The following ELL variants were observed in gnomAD, a reference collection of about 807,000 sequenced individuals.
ELL encodes RNA polymerase II elongation factor ELL.
In ELL, 18 loss-of-function variants were observed where a neutral mutation model predicts 64.0. That is an observed-to-expected ratio of 0.28 (90% CI 0.19 to 0.42). ELL has a LOEUF of 0.42. Ranked by LOEUF, ELL falls within the 10% of genes least tolerant of loss-of-function variation. The probability of loss-of-function intolerance (pLI) is 1.00; values close to 1 mark genes in which losing one functional copy is unlikely to be tolerated. For synonymous variants in ELL, 399 were observed against 376.2 expected (o/e 1.06, Z -0.70); for missense variants, 797 against 870.4 (o/e 0.92, Z 1.06).
intron 2 of ELL, chr19:18,472,487 AC>A: frequency 3.3e-6 from 1 of 301,012 alleles, no homozygotes; most frequent in Non-Finnish European, 6.1e-6. Flanking sequence ...GTGCTCACTC[AC>A]CCACAGCTCA....
intron 1 of ELL, among the ~76,000 whole-genome samples, chr19:18,500,354 G>T (rs559866500): frequency 7.2e-5 from 11 of 152,096 alleles, no homozygotes; most frequent in Non-Finnish European, 1.5e-4. Context: ...GGCTTCCTGT[G>T]CATATCGTGG....
At chr19:18,503,127 G>T (rs112367761) in intron 1 of ELL, among the ~76,000 whole-genome samples, 10 of 152,338 alleles carry the variant, frequency 6.6e-5, no homozygotes, top group African/African-American at 1.9e-4. Flanking sequence ...AAAGAAAAGG[G>T]AACTCGCACT....
chr19:18,448,335 G>A (rs2144889053), intron 8 of ELL: 1 of 152,210 alleles, frequency 6.6e-6, no homozygotes, highest in East Asian at 1.9e-4. Context: ...AACACACCTG[G>A]GCTGACCACA....
rs145475504 is a variant in ELL at position 18,461,626 on chromosome 19, G to T, written c.696C>A (p.Asp232Glu). The T allele has an allele frequency of 6.2e-7, 1 of 1,610,202 alleles. No homozygotes were observed. ...KAELLLRLQK[D>E]GLTQADKDAL... is the part of the protein sequence containing the mutation. Reference sequence around the variant, plus strand: ...CGTCCTTGTCCGCCTGCGTCAGGCCGTCCTTCTGCAGTCGCAGCAGCAGCT... The same window carrying T: ...CGTCCTTGTCCGCCTGCGTCAGGCCTTCCTTCTGCAGTCGCAGCAGCAGCT... Residue 232 changes from aspartate to glutamate, a missense_variant, in exon 5 of 12, where the codon GAC becomes GAA. Transcript: ENST00000262809.
At chr19:18,492,077 T>C (rs548052175) in intron 1 of ELL, among the ~76,000 whole-genome samples, 2 of 152,218 alleles carry the variant, frequency 1.3e-5, no homozygotes, top group South Asian at 4.2e-4. Flanking sequence ...GTTCAGATTG[T>C]CCCAGGCTGG....
At chr19:18,489,011 C>A (rs1975474897) in intron 1 of ELL, among the ~76,000 whole-genome samples, 1 of 152,232 alleles carries the variant, frequency 6.6e-6, no homozygotes, top group Non-Finnish European at 1.5e-5. Flanking sequence ...CGTCATCCCA[C>A]CTGCAGGGGG....
At chr19:18,511,875 G>A (rs941995990) in intron 1 of ELL, among the ~76,000 whole-genome samples, 2 of 151,682 alleles carry the variant, frequency 1.3e-5, no homozygotes, top group African/African-American at 4.8e-5. Context: ...AAAAAAAAAG[G>A]GCCGGGCACA....
intron 1 of ELL, among the ~76,000 whole-genome samples, chr19:18,473,874 T>C (rs1472927667): frequency 1.3e-5 from 2 of 151,574 alleles, no homozygotes; most frequent in Non-Finnish European, 2.9e-5. Flanking sequence ...CACCCAGGCC[T>C]TGCTCCTGTC....
At chr19:18,499,078 T>C (rs1322298001) in intron 1 of ELL, among the ~76,000 whole-genome samples, 1 of 152,190 alleles carries the variant, frequency 6.6e-6, no homozygotes, top group Non-Finnish European at 1.5e-5. Context: ...GAGGGAAGCC[T>C]GGCCTCAGCC....
At chr19:18,472,117 CA>C (rs1424664177) in intron 2 of ELL, among the ~76,000 whole-genome samples, 2 of 152,084 alleles carry the variant, frequency 1.3e-5, no homozygotes, top group Admixed American at 1.3e-4. Flanking sequence ...CATGCACCAC[CA>C]CACCCAGCTA....
chr19:18,455,869 T>C (rs914845620), intron 6 of ELL, among the ~76,000 whole-genome samples: 2 of 151,778 alleles, frequency 1.3e-5, no homozygotes, highest in Non-Finnish European at 2.9e-5. Flanking sequence ...GAGGCTGAGG[T>C]GGGCGGATCA....
At chr19:18,509,213 G>A (rs1394549184) in intron 1 of ELL, among the ~76,000 whole-genome samples, 1 of 152,132 alleles carries the variant, frequency 6.6e-6, no homozygotes, top group African/African-American at 2.4e-5. Flanking sequence ...GCGCCCTGAT[G>A]CAATCCAGCA....
intron 5 of ELL, among the ~76,000 whole-genome samples, chr19:18,460,956 A>G (rs1410139387): frequency 6.6e-6 from 1 of 152,102 alleles, no homozygotes; most frequent in East Asian, 1.9e-4. Flanking sequence ...GTGGAGCCTC[A>G]GGAACCTCCA....
intron 1 of ELL, among the ~76,000 whole-genome samples, chr19:18,516,639 T>C (rs1408091975): frequency 6.6e-6 from 1 of 151,992 alleles, no homozygotes; most frequent in South Asian, 2.1e-4. Context: ...ACCGGCTCTG[T>C]ACGAACCTCC....
At chr19:18,494,268 G>A (rs939294226) in intron 1 of ELL, among the ~76,000 whole-genome samples, 3 of 152,064 alleles carry the variant, frequency 2.0e-5, no homozygotes, top group African/African-American at 7.2e-5. Context: ...GGGAGGGGAA[G>A]GGAAGGGGAG....
intron 1 of ELL, among the ~76,000 whole-genome samples, chr19:18,509,864 G>A (rs897598031): frequency 6.6e-6 from 1 of 152,130 alleles, no homozygotes; most frequent in East Asian, 1.9e-4. Flanking sequence ...GGACCTCCAG[G>A]CCACTTCTCA....
At chr19:18,455,492 GA>G (rs894882196) in intron 6 of ELL, among the ~76,000 whole-genome samples, 253 of 118,746 alleles carry the variant, frequency 2.1e-3, no homozygotes, top group Middle Eastern at 8.5e-3. Flanking sequence ...TCTGTCTCAG[GA>G]AAAAAAAAAA....
intron 8 of ELL, among the ~76,000 whole-genome samples, chr19:18,447,781 T>A (rs1253595118): frequency 1.3e-5 from 2 of 151,826 alleles, no homozygotes. Context: ...GTATCCTCAA[T>A]ACACTTTTTT....
intron 2 of ELL, among the ~76,000 whole-genome samples, chr19:18,472,009 C>CTGTA (rs1406069858): frequency 2.0e-5 from 3 of 151,842 alleles, no homozygotes; most frequent in Non-Finnish European, 4.4e-5. Context: ...GTTGCCCGGG[C>CTGTA]TGTAGTACAA....
Sources: allele counts gnomAD v4.1 joint callset (sites outside exome capture counted in the v4.1 genomes callset), GRCh38; gene constraint gnomAD v4.1.1; transcripts MANE v1.5; gene names NCBI Gene and HGNC (gene_info 2026-07-23, HGNC 2026-07-21).